The following INSYN2A variants were observed in gnomAD, a reference collection of about 807,000 sequenced individuals.
The protein encoded by INSYN2A is inhibitory synaptic factor 2A.
Under a neutral mutation model 39.4 loss-of-function variants are expected in INSYN2A, and 17 were observed. That is an observed-to-expected ratio of 0.43 (90% CI 0.30 to 0.65). INSYN2A has a LOEUF of 0.65. Among genes scored for constraint, INSYN2A ranks in the 30% least tolerant of loss-of-function variants. The pLI is 0.14. For missense variants in INSYN2A, 595 were observed against 631.2 expected (o/e 0.94, Z 0.61); for synonymous variants, 255 against 265.7 (o/e 0.96, Z 0.39).
Position 127,137,572 on chromosome 10 carries a change from A to T in INSYN2A, c.*265T>A. 1 of 353,954 alleles carries T rather than the reference A, an allele frequency of 2.8e-6. No individual in the cohort carries two copies. The highest frequency in any genetic ancestry group is 5.1e-6 in the Non-Finnish European group (1 of 197,064). The allele number at this position is 353,954 out of a possible 1,614,324, so 21.9% of individuals were successfully genotyped here. Reference sequence around the variant, plus strand: ...CGGGGGTGGGGGAAAATTTTTACTTATCATCTTTGACTACGTAAGTTTCAT... The same window carrying T: ...CGGGGGTGGGGGAAAATTTTTACTTTTCATCTTTGACTACGTAAGTTTCAT... On this transcript the variant is annotated 3_prime_UTR_variant, in exon 6 of 6. Coordinates refer to ENST00000522781, the MANE Select transcript of INSYN2A (RefSeq NM_001039762.3).
chr10:127,178,493 C>T (rs2055396245), intron 2 of INSYN2A, among the ~76,000 whole-genome samples: 2 of 152,152 alleles, frequency 1.3e-5, no homozygotes, highest in Non-Finnish European at 2.9e-5. Context: ...ATGTCTCCAG[C>T]CATTACCAGA....
chr10:127,142,172 C>T (rs2051323689), intron 5 of INSYN2A, among the ~76,000 whole-genome samples: 1 of 152,200 alleles, frequency 6.6e-6, no homozygotes. Context: ...CCATCACGGT[C>T]CCAGGCCACC....
chr10:127,141,704 T>C (rs2051273420), intron 5 of INSYN2A, among the ~76,000 whole-genome samples: 1 of 151,456 alleles, frequency 6.6e-6, no homozygotes, highest in Non-Finnish European at 1.5e-5. Flanking sequence ...AAATTCTACC[T>C]CACTTTTAGT....
chr10:127,144,299 C>T (rs967900453), intron 5 of INSYN2A, among the ~76,000 whole-genome samples: 1 of 152,042 alleles, frequency 6.6e-6, no homozygotes, highest in African/African-American at 2.4e-5. Context: ...CAAAGTCCAC[C>T]CTCCCCCCTG....
rs869132788 is a variant in INSYN2A, at chr10:127,156,562, CTTT to C, written c.1185-2642_1185-2640del. On this transcript the variant is annotated intron_variant, in intron 4 of 5. Transcript: ENST00000522781. ...TCTTCTTCTTCTTCTTCTTCTTCTT[CTTT>C]TTTTTTTTTTTTTTTTTTTGAGACC... Among the ~76,000 whole-genome samples the C allele has an allele frequency of 3.1e-3, 53 of 16,938 alleles. No homozygotes were observed. In the South Asian group the frequency reaches 0.036, roughly 11 times the overall value. The allele number at this position is 16,938 out of a possible 152,430, so 11.1% of individuals were successfully genotyped here. A position where few individuals can be genotyped will look rare whatever the true frequency, so the allele number is the denominator to read the frequency against.
chr10:127,193,736 T>A (rs1012096346), intron 1 of INSYN2A, among the ~76,000 whole-genome samples: 2 of 152,200 alleles, frequency 1.3e-5, no homozygotes, highest in African/African-American at 4.8e-5. Context: ...TTCTCTTATT[T>A]ATTGATTTAT....
At chr10:127,178,184 C>T (rs2055361389) in intron 2 of INSYN2A, among the ~76,000 whole-genome samples, 1 of 152,236 alleles carries the variant, frequency 6.6e-6, no homozygotes. Context: ...CCAGCCTGGT[C>T]TTGTCACCTT....
At chr10:127,142,346 C>G (rs1037475610) in intron 5 of INSYN2A, among the ~76,000 whole-genome samples, 1 of 152,184 alleles carries the variant, frequency 6.6e-6, no homozygotes, top group African/African-American at 2.4e-5. Flanking sequence ...AGGCCTCACT[C>G]TCCAGCAGCT....
chr10:127,155,242 T>C (rs765754694), intron 4 of INSYN2A, among the ~76,000 whole-genome samples: 55 of 152,196 alleles, frequency 3.6e-4, no homozygotes, highest in Non-Finnish European at 6.3e-4. Flanking sequence ...ACTTTTGTTT[T>C]CCTCATTATA....
In INSYN2A at chr10:127,175,595, C is replaced by T. The variant is rs747825338; in HGVS notation, c.801G>A (p.Glu267=). The T allele has an allele frequency of 6.8e-6, 11 of 1,612,438 alleles. No individual in the cohort carries two copies. The highest frequency in any genetic ancestry group is 1.1e-5 in the South Asian group (1 of 91,072). ...YAPALSARAP[E]PGLSDSAAAS... ...CGGCTGCAGAGTCTGACAAACCAGG[C>T]TCGGGGGCCCTGGCACTGAGGGCAG... The change falls in exon 4 of 6, where the codon GAG becomes GAA. Residue 267 remains glutamate, a synonymous_variant. Coordinates refer to ENST00000522781, the MANE Select transcript of INSYN2A (RefSeq NM_001039762.3). The surrounding 1 kb of genome is among the most constrained non-coding windows in gnomAD (Gnocchi z 6.3).
At chr10:127,174,855 CTTATTTAGAATAGATAT>C (rs2054930528) in intron 4 of INSYN2A, among the ~76,000 whole-genome samples, 1 of 152,176 alleles carries the variant, frequency 6.6e-6, no homozygotes, top group Non-Finnish European at 1.5e-5. Flanking sequence ...TGATTCTCTT[CTTATTTAGAATAGATAT>C]TTTGGACTGG....
chr10:127,179,892 AG>A (rs1273973239), intron 2 of INSYN2A, among the ~76,000 whole-genome samples: 1 of 152,188 alleles, frequency 6.6e-6, no homozygotes, highest in Non-Finnish European at 1.5e-5. Context: ...TATGCATAGC[AG>A]TTGTGTTTTC....
chr10:127,175,343 A>T lies in INSYN2A; in HGVS notation c.1053T>A (p.Pro351=). The T allele has an allele frequency of 5.0e-6, 8 of 1,614,060 alleles. No homozygotes were observed. Among genetic ancestry groups the T allele is most frequent in the Non-Finnish European group, 6.8e-6 (8 of 1,180,026 alleles). The change falls in exon 4 of 6, where the codon CCT becomes CCA. Residue 351 remains proline (P), a synonymous_variant. Transcript: ENST00000522781. This position sits in a 1 kb window ranked among gnomAD's most constrained non-coding sequence, Gnocchi z 6.3. ...AAGEECQRIV[P]HTEVVDLKAQ... ...CTTTGAGGTCGACCACTTCCGTATG[A>T]GGCACGATTCGTTGGCATTCTTCAC... is the stretch of plus-strand genomic sequence containing the variant.
chr10:127,153,401 C>T (rs368264124), intron 5 of INSYN2A, among the ~76,000 whole-genome samples: 1 of 152,142 alleles, frequency 6.6e-6, no homozygotes, highest in Admixed American at 6.5e-5. Context: ...GACAGGCAGG[C>T]AGCACAATCC....
At chr10:127,182,029 T>A (rs191094352) in intron 2 of INSYN2A, among the ~76,000 whole-genome samples, 1 of 152,310 alleles carries the variant, frequency 6.6e-6, no homozygotes, top group East Asian at 1.9e-4. Context: ...ACTGGATGAA[T>A]TCAGACACCC....
At chr10:127,173,320 C>T (rs2054756986) in intron 4 of INSYN2A, among the ~76,000 whole-genome samples, 1 of 152,160 alleles carries the variant, frequency 6.6e-6, no homozygotes, top group South Asian at 2.1e-4. Flanking sequence ...TTGCCCAAGC[C>T]CTCAGTGCCA....
At position 127,175,181 on chromosome 10, in the gene INSYN2A, A is replaced by T; in HGVS notation, c.1184+31T>A. 6.4e-7 allele frequency: 1 copy of T among 1,561,726 alleles called. No individual in the cohort carries two copies. The highest frequency in any genetic ancestry group is 1.7e-5 in the Admixed American group (1 of 58,036). Reference sequence around the variant, plus strand: ...GGACTCTGTGGTGATCAGCCTGCATAGCTTCCTAAGACATGGGTGAACATA... The same window carrying T: ...GGACTCTGTGGTGATCAGCCTGCATTGCTTCCTAAGACATGGGTGAACATA... On this transcript the variant is annotated intron_variant, in intron 4 of 5. Coordinates refer to ENST00000522781, the MANE Select transcript of INSYN2A (RefSeq NM_001039762.3). The surrounding 1 kb of genome is among the most constrained non-coding windows in gnomAD (Gnocchi z 6.3).
At chr10:127,138,820 T>TA (rs1206112015) in intron 5 of INSYN2A, among the ~76,000 whole-genome samples, 1 of 152,246 alleles carries the variant, frequency 6.6e-6, no homozygotes, top group Non-Finnish European at 1.5e-5. Context: ...TGTTATTTCT[T>TA]ACAGCATTTC....
In INSYN2A at chr10:127,192,674, A is replaced by G. The variant is rs553434919; in HGVS notation, c.-338T>C. The stretch of plus-strand genomic sequence containing the variant: ...GTCTCTGAAGTTATGGTTTTTCTCA[A>G]TGTGAGAGGTAAGATCCTTGGTTGC... On this transcript the variant is annotated 5_prime_UTR_variant, in exon 2 of 6. Coordinates refer to ENST00000522781, the MANE Select transcript of INSYN2A (RefSeq NM_001039762.3). 10 of 152,312 alleles carry G rather than the reference A, an allele frequency of 6.6e-5. No homozygotes were observed. The highest frequency in any genetic ancestry group is 1.9e-4 in the African/African-American group (8 of 41,568). The allele number at this position is 152,312 out of a possible 1,614,324, so 9.4% of individuals were successfully genotyped here.
Sources: allele counts gnomAD v4.1 joint callset (sites outside exome capture counted in the v4.1 genomes callset), GRCh38; gene constraint gnomAD v4.1.1; non-coding constraint Gnocchi (gnomAD v3.1); transcripts MANE v1.5; gene names NCBI Gene and HGNC (gene_info 2026-07-23, HGNC 2026-07-21).